GMDS: variants seen among roughly 807,000 people sequenced by gnomAD.
GMDS encodes the protein GDP-mannose 4,6 dehydratase.
A neutral mutation model predicts 49.9 loss-of-function variants in GMDS; 20 were observed. The ratio of observed to expected loss-of-function variants is 0.40; its 90% CI spans 0.28 to 0.58. The LOEUF (loss-of-function observed/expected upper bound fraction) is 0.58. GMDS is among the 20% of genes least tolerant of loss of function. The pLI, the probability that GMDS is intolerant of heterozygous loss-of-function variation, is 0.42. For missense variants in GMDS, 362 were observed against 481.4 expected, an observed-to-expected ratio of 0.75 and a Z score of 2.32; for synonymous variants, 177 against 178.6, an observed-to-expected ratio of 0.99 and a Z score of 0.07.
chr6:1,893,146 G>GAGCATGAGC (rs1759959940), intron 7 of GMDS, among the ~76,000 whole-genome samples: 2 of 151,950 alleles, frequency 1.3e-5, no homozygotes, highest in Non-Finnish European at 2.9e-5. Context: ...AAGAAGGAAG[G>GAGCATGAGC]AGCATGAGCA....
chr6:1,632,293 G>A (rs941977719), intron 9 of GMDS, among the ~76,000 whole-genome samples: 7 of 152,192 alleles, frequency 4.6e-5, no homozygotes, highest in Non-Finnish European at 1.0e-4. Flanking sequence ...TCAACACACA[G>A]AAATATCAAC....
chr6:2,022,229 G>A lies in GMDS; in HGVS notation c.346-61263C>T, dbSNP rs539421769. The stretch of plus-strand genomic sequence containing the variant: ...AATCTAAAGAAAATCTCATAGGAGG[G>A]TAAAGAAAAATTTAAAGCAAATATA... On this transcript the variant is annotated intron_variant, in intron 4 of 10. Coordinates refer to ENST00000380815, the MANE Select transcript of GMDS (RefSeq NM_001500.4). Among the ~76,000 whole-genome samples, 5 of 151,834 alleles carry A rather than the reference G, an allele frequency of 3.3e-5. No individual in the cohort carries two copies. The East Asian group carries it at 9.8e-4, about 30-fold the overall frequency.
chr6:1,718,600 C>T (rs2113415482), intron 9 of GMDS, among the ~76,000 whole-genome samples: 1 of 152,296 alleles, frequency 6.6e-6, no homozygotes, highest in East Asian at 1.9e-4. Flanking sequence ...GGCAGCTTCG[C>T]AGCTGCTTCC....
At chr6:2,093,867 CT>C (rs1361355460) in intron 4 of GMDS, among the ~76,000 whole-genome samples, 1 of 151,714 alleles carries the variant, frequency 6.6e-6, no homozygotes, top group Non-Finnish European at 1.5e-5. Context: ...TATTATGTCA[CT>C]TTTGTATTAT....
chr6:1,853,246 C>T (rs866624900), intron 7 of GMDS, among the ~76,000 whole-genome samples: 31 of 151,742 alleles, frequency 2.0e-4, no homozygotes, highest in Middle Eastern at 6.8e-3. Context: ...GGGCCGGGCG[C>T]GGTGGCTCAT....
chr6:1,980,167 T>C (rs1488025237), intron 4 of GMDS, among the ~76,000 whole-genome samples: 2 of 152,256 alleles, frequency 1.3e-5, no homozygotes, highest in East Asian at 3.9e-4. Flanking sequence ...GCTAGTATCA[T>C]GACAGGATTT....
At chr6:1,903,779 G>A (rs1411332399) in intron 7 of GMDS, among the ~76,000 whole-genome samples, 2 of 93,578 alleles carry the variant, frequency 2.1e-5, no homozygotes, top group Non-Finnish European at 3.1e-5. Flanking sequence ...GCTTACGGGC[G>A]CCTCCCTCCC....
chr6:2,028,311 G>A (rs1184760195), intron 4 of GMDS, among the ~76,000 whole-genome samples: 32 of 152,168 alleles, frequency 2.1e-4, no homozygotes, highest in Non-Finnish European at 2.9e-4. Flanking sequence ...GTTTCTCTAA[G>A]TGAAGAAAAG....
chr6:2,056,871 G>A (rs1287047104), intron 4 of GMDS, among the ~76,000 whole-genome samples: 5 of 152,090 alleles, frequency 3.3e-5, no homozygotes, highest in Admixed American at 3.3e-4. Context: ...GTATTCTGAT[G>A]TTAATATGAT....
intron 6 of GMDS, 79 bp downstream of exon 6, chr6:1,959,788 T>C: frequency 1.3e-6 from 1 of 782,422 alleles, no homozygotes; most frequent in Non-Finnish European, 2.1e-6. Context: ...GTCTCTGTAG[T>C]ACATACACCA....
chr6:1,913,189 G>A (rs938136805), intron 7 of GMDS, among the ~76,000 whole-genome samples: 1 of 151,736 alleles, frequency 6.6e-6, no homozygotes, highest in Non-Finnish European at 1.5e-5. Flanking sequence ...AGACCATCCC[G>A]GCTAAAACGG....
At chr6:1,947,313 C>T (rs1410245115) in intron 6 of GMDS, among the ~76,000 whole-genome samples, 1 of 152,182 alleles carries the variant, frequency 6.6e-6, no homozygotes, top group Non-Finnish European at 1.5e-5. Context: ...CAGTGTTCCT[C>T]TGAGAAACAC....
chr6:1,717,173 T>G (rs1330881518), intron 9 of GMDS, among the ~76,000 whole-genome samples: 1 of 152,248 alleles, frequency 6.6e-6, no homozygotes, highest in Admixed American at 6.5e-5. Context: ...GGACTCCATT[T>G]GGTCTTCTGA....
chr6:2,019,617 T>TTTTTTTTGTA (rs1768140049), intron 4 of GMDS, among the ~76,000 whole-genome samples: 5 of 151,988 alleles, frequency 3.3e-5, no homozygotes, highest in Admixed American at 2.0e-4. Context: ...GCCCGGCTAA[T>TTTTTTTTGTA]TTTTGTATTT....
At chr6:1,922,677 T>A (rs1490771865) in intron 7 of GMDS, among the ~76,000 whole-genome samples, 5 of 152,112 alleles carry the variant, frequency 3.3e-5, no homozygotes, top group Non-Finnish European at 7.4e-5. Context: ...AGAAACGTGG[T>A]TTGACTGGAG....
At chr6:1,644,412 C>T (rs933365022) in intron 9 of GMDS, among the ~76,000 whole-genome samples, 1 of 152,212 alleles carries the variant, frequency 6.6e-6, no homozygotes, top group Non-Finnish European at 1.5e-5. Context: ...AAATAGGCTG[C>T]ATATGAGCCG....
intron 7 of GMDS, among the ~76,000 whole-genome samples, chr6:1,825,440 T>C (rs142201862): frequency 3.9e-4 from 60 of 152,336 alleles, no homozygotes; most frequent in African/African-American, 1.3e-3. Context: ...CAGTCTAATT[T>C]GAGGAACTAG....
intron 7 of GMDS, among the ~76,000 whole-genome samples, chr6:1,840,261 C>T (rs1181921388): frequency 6.6e-6 from 1 of 152,128 alleles, no homozygotes; most frequent in Non-Finnish European, 1.5e-5. Context: ...GAAGGGGCAC[C>T]CAGGTCTCTA....
rs559506296 is a variant in GMDS, at chr6:2,006,619, ATTGTT to A, written c.346-45658_346-45654del. ...AATTAATATTTTATATACTATGTGT[ATTGTT>A]TTATGTTTCTATATTAGCTGAAAAC... is the stretch of plus-strand genomic sequence containing the variant. On this transcript the variant is annotated intron_variant, in intron 4 of 10. Coordinates refer to ENST00000380815, the MANE Select transcript of GMDS (RefSeq NM_001500.4). Among the ~76,000 whole-genome samples the A allele has an allele frequency of 6.1e-3, 924 of 152,246 alleles. 2 individuals are homozygous for A. The highest frequency in any genetic ancestry group is 9.1e-3 in the Non-Finnish European group (617 of 68,014).
Sources: allele counts gnomAD v4.1 joint callset (sites outside exome capture counted in the v4.1 genomes callset), GRCh38; gene constraint gnomAD v4.1.1; transcripts MANE v1.5; gene names NCBI Gene and HGNC (gene_info 2026-07-23, HGNC 2026-07-21).